Variants in SLC25A30 observed in about 807,000 individuals in gnomAD.
SLC25A30 encodes kidney mitochondrial carrier protein 1.
A neutral mutation model predicts 42.7 loss-of-function variants in SLC25A30; 29 were observed. The ratio of observed to expected loss-of-function variants is 0.68; its 90% CI spans 0.51 to 0.93. The LOEUF is 0.93. Ranked by LOEUF, SLC25A30 falls within the 40% of genes least tolerant of loss-of-function variation. The probability of loss-of-function intolerance (pLI) is 0.00; values close to 1 mark genes in which losing one functional copy is unlikely to be tolerated. For synonymous variants in SLC25A30, 124 were observed against 131.0 expected (o/e 0.95, Z 0.37); for missense variants, 300 against 359.7 (o/e 0.83, Z 1.34).
the SLC25A30 span, among the ~76,000 whole-genome samples, chr13:45,428,695 G>C: frequency 6.6e-6 from 1 of 150,672 alleles, no homozygotes; most frequent in Non-Finnish European, 1.5e-5. Flanking sequence ...ACTAATGTTT[G>C]TATTTTTAGT....
At chr13:45,417,250 A>T (rs1883613666) in intron 1 of SLC25A30, among the ~76,000 whole-genome samples, 1 of 152,148 alleles carries the variant, frequency 6.6e-6, no homozygotes, top group Non-Finnish European at 1.5e-5. Flanking sequence ...ACCTCAGGTG[A>T]TCCGCCCGCC....
Position 45,394,647 on chromosome 13 carries a change from G to A in SLC25A30, c.*1327C>T, listed in dbSNP as rs923132853. 8.6e-5 allele frequency: 85 copies of A among 985,152 alleles called. No individual in the cohort carries two copies. Among genetic ancestry groups the A allele is most frequent in the Non-Finnish European group, 8.7e-5 (72 of 829,926 alleles). The allele number at this position is 985,152 out of a possible 1,614,324, so 61.0% of individuals were successfully genotyped here. On this transcript the variant is annotated 3_prime_UTR_variant, in exon 10 of 10. Coordinates refer to ENST00000519676, the MANE Select transcript of SLC25A30 (RefSeq NM_001010875.4). ...ACTAAGATGAAGACAAGAAGGAAGA[G>A]GGCTCTTTCTCTGAAGCAGGTTAGA...
At position 45,394,078 on chromosome 13, in the gene SLC25A30, T is replaced by C; in HGVS notation, c.*1896A>G. ...CTCTCTATAGAAAGTCTTTATAAAATCAATGGAATGTTTTGGAAAGAAGAA... is the reference window on the plus strand; with the variant it reads ...CTCTCTATAGAAAGTCTTTATAAAACCAATGGAATGTTTTGGAAAGAAGAA... On this transcript the variant is annotated 3_prime_UTR_variant, in exon 10 of 10. Coordinates refer to ENST00000519676, the MANE Select transcript of SLC25A30 (RefSeq NM_001010875.4). 1 of 985,304 alleles carries C rather than the reference T, an allele frequency of 1.0e-6. No individual in the cohort carries two copies. 61.0% of individuals were successfully genotyped at this position (985,304 alleles called of 1,614,324 possible).
At position 45,405,919 on chromosome 13, in the gene SLC25A30, G is replaced by A. The variant is rs1882457939; in HGVS notation, c.271C>T (p.Gln91Ter). Reference sequence around the variant, plus strand: ...TCAATGAATAGTCGCTTCAAGCTCTGGTAAGTGCCTATCTTGATGGTGCCA... The same window carrying A: ...TCAATGAATAGTCGCTTCAAGCTCTAGTAAGTGCCTATCTTGATGGTGCCA... ...SYGTIKIGTY[Q>*]SLKRLFIERP... Residue 91 changes from glutamine (Q) to a stop codon, truncating the protein, a stop_gained, in exon 4 of 10, where the codon CAG becomes TAG. Coordinates refer to ENST00000519676, the MANE Select transcript of SLC25A30 (RefSeq NM_001010875.4). LOFTEE classifies it high-confidence loss of function. 7 of 1,614,042 alleles carry A rather than the reference G, an allele frequency of 4.3e-6. No individual in the cohort carries two copies. Among genetic ancestry groups the A allele is most frequent in the Non-Finnish European group, 5.9e-6 (7 of 1,180,042 alleles).
At chr13:45,425,245 TAA>T in the SLC25A30 span, among the ~76,000 whole-genome samples, 1 of 105,518 alleles carries the variant, frequency 9.5e-6, no homozygotes, top group African/African-American at 3.9e-5. Flanking sequence ...TATACATATA[TAA>T]ATATATATAC....
At chr13:45,431,892 C>T in the SLC25A30 span, among the ~76,000 whole-genome samples, 2 of 152,008 alleles carry the variant, frequency 1.3e-5, no homozygotes, top group African/African-American at 4.8e-5. Context: ...GAGCTCAAAC[C>T]AAAAACCAAG....
chr13:45,428,505 C>T, the SLC25A30 span, among the ~76,000 whole-genome samples: 5 of 147,564 alleles, frequency 3.4e-5, no homozygotes, highest in African/African-American at 1.3e-4. Context: ...CCAAGCCCAG[C>T]CTTCTTTTTA....
At chr13:45,403,709 G>A (rs1299006398) in intron 5 of SLC25A30, among the ~76,000 whole-genome samples, 2 of 151,966 alleles carry the variant, frequency 1.3e-5, no homozygotes, top group South Asian at 2.1e-4. Context: ...AGGCCAAGGC[G>A]GGTGGATCAT....
chr13:45,418,021 C>A (rs1883687957), intron 1 of SLC25A30: 1 of 152,370 alleles, frequency 6.6e-6, no homozygotes, highest in South Asian at 2.1e-4. Flanking sequence ...GACCCTGGAA[C>A]AGGAATCACC....
chr13:45,415,374 G>A (rs966896544), intron 1 of SLC25A30, among the ~76,000 whole-genome samples: 1 of 152,086 alleles, frequency 6.6e-6, no homozygotes, highest in South Asian at 2.1e-4. Flanking sequence ...AAATATTGGT[G>A]GGGGGCAGGG....
intron 9 of SLC25A30, 142 bp from the exon 10 acceptor site, chr13:45,396,157 C>T: frequency 6.5e-6 from 10 of 1,537,814 alleles, no homozygotes; most frequent in Non-Finnish European, 7.9e-6. Flanking sequence ...AAAAGGGGTT[C>T]CACCCTTAAC....
chr13:45,422,366 T>C (rs1021528654), upstream of SLC25A30, among the ~76,000 whole-genome samples: 2 of 152,116 alleles, frequency 1.3e-5, no homozygotes, highest in Non-Finnish European at 2.9e-5. Flanking sequence ...GACTGAGACA[T>C]CTGGTCACCT....
intron 1 of SLC25A30, among the ~76,000 whole-genome samples, chr13:45,417,533 AC>A (rs1480931205): frequency 7.9e-5 from 12 of 152,252 alleles, no homozygotes; most frequent in Non-Finnish European, 1.8e-4. Flanking sequence ...TCACAGACTT[AC>A]AAAAAGCCGG....
At chr13:45,412,352 C>T (rs1279014010) in intron 1 of SLC25A30, among the ~76,000 whole-genome samples, 1 of 152,096 alleles carries the variant, frequency 6.6e-6, no homozygotes, top group Non-Finnish European at 1.5e-5. Context: ...CCCTAGCCTC[C>T]CAAAGTGCTG....
chr13:45,421,097 G>A (rs1883879619), upstream of SLC25A30, among the ~76,000 whole-genome samples: 1 of 151,912 alleles, frequency 6.6e-6, no homozygotes, highest in Non-Finnish European at 1.5e-5. Context: ...AACAAAAAAA[G>A]GCCAGGCGTG....
chr13:45,409,116 C>T (rs1341736690), intron 2 of SLC25A30, 42 bp from the exon 3 acceptor site: 4 of 1,499,006 alleles, frequency 2.7e-6, no homozygotes, highest in South Asian at 2.6e-5. Context: ...AAAGAAATTC[C>T]ACTAAATAAA....
chr13:45,404,444 A>G, intron 4 of SLC25A30, 32 bp from the exon 5 acceptor site: 1 of 1,485,738 alleles, frequency 6.7e-7, no homozygotes, highest in Non-Finnish European at 9.4e-7. Flanking sequence ...TTGACTCTAC[A>G]TATTTAGAGT....
chr13:45,421,409 A>G (rs1471895027), upstream of SLC25A30, among the ~76,000 whole-genome samples: 3 of 152,050 alleles, frequency 2.0e-5, no homozygotes, highest in Non-Finnish European at 4.4e-5. Context: ...AAGAATTAAA[A>G]AAAAGTGGTA....
At chr13:45,429,847 AC>A in the SLC25A30 span, among the ~76,000 whole-genome samples, 1 of 151,894 alleles carries the variant, frequency 6.6e-6, no homozygotes, top group African/African-American at 2.4e-5. Flanking sequence ...AAAAAAAAAA[AC>A]AAAAACAAAA....
Sources: gnomAD v4.1 joint callset for allele counts (sites outside exome capture counted in the v4.1 genomes callset) on GRCh38, gnomAD v4.1.1 for gene constraint, MANE v1.5 for transcripts, NCBI Gene and HGNC (gene_info 2026-07-23, HGNC 2026-07-21) for gene names.